The following DIAPH2 variants were observed in gnomAD, a reference collection of about 807,000 sequenced individuals.
DIAPH2 encodes protein diaphanous homolog 2.
DIAPH2 carries 35 observed loss-of-function variants against 92.7 expected under a neutral mutation model. The ratio of observed to expected loss-of-function variants is 0.38; its 90% CI spans 0.29 to 0.50. The LOEUF (loss-of-function observed/expected upper bound fraction) is 0.50, where lower values mean the gene tolerates loss of function less well. DIAPH2 is among the 20% of genes least tolerant of loss of function. The pLI is 0.94. For missense variants in DIAPH2, 701 were observed against 819.5 expected, an observed-to-expected ratio of 0.86 and a Z score of 1.77; for synonymous variants, 301 against 280.4, an observed-to-expected ratio of 1.07 and a Z score of -0.73.
At chrX:97,268,142 G>A (rs1410678995) in intron 23 of DIAPH2, among the ~76,000 whole-genome samples, 2 of 112,166 alleles carry the variant, frequency 1.8e-5, no homozygotes, top group African/African-American at 3.2e-5. Flanking sequence ...GCCAATTTGT[G>A]TTTTTCCCGT....
chrX:97,442,452 C>T (rs1293197465), intron 26 of DIAPH2, among the ~76,000 whole-genome samples: 1 of 112,631 alleles, frequency 8.9e-6, no homozygotes, highest in Non-Finnish European at 1.9e-5. Flanking sequence ...AACAGGTTGT[C>T]ATAAGTACCT....
At chrX:97,035,953 A>AG (rs1343589806) in intron 17 of DIAPH2, among the ~76,000 whole-genome samples, 1 of 111,355 alleles carries the variant, frequency 9.0e-6, no homozygotes, top group Non-Finnish European at 1.9e-5. Context: ...AAAAAAAAAA[A>AG]AGATTTCATT....
At chrX:97,247,866 G>C in intron 23 of DIAPH2, 27 bp downstream of exon 23, 2 of 1,192,377 alleles carry the variant, frequency 1.7e-6, no homozygotes, top group Non-Finnish European at 2.3e-6. Context: ...TAAGCATTTT[G>C]TCTAGTTTTT....
At chrX:97,550,553 C>T (rs773385371) in intron 26 of DIAPH2, among the ~76,000 whole-genome samples, 36 of 110,668 alleles carry the variant, frequency 3.3e-4, no homozygotes, top group African/African-American at 1.1e-3. Flanking sequence ...CTCCCACTGC[C>T]ATGCATATGA....
intron 2 of DIAPH2, among the ~76,000 whole-genome samples, chrX:96,738,241 A>C (rs1264379629): frequency 9.0e-6 from 1 of 111,642 alleles, no homozygotes; most frequent in Non-Finnish European, 1.9e-5. Context: ...CTTTTTTCAT[A>C]GTTCTAAAGT....
intron 17 of DIAPH2, among the ~76,000 whole-genome samples, chrX:97,038,878 A>C (rs2147884686): frequency 9.0e-6 from 1 of 111,466 alleles, no homozygotes; most frequent in Admixed American, 9.5e-5. Flanking sequence ...AGATTGTTTC[A>C]AATTATTTGA....
At position 96,890,156 on chromosome X, in the gene DIAPH2, T is replaced by C. The variant is rs756661141; in HGVS notation, c.587+8438T>C. Reference sequence around the variant, plus strand: ...ACCCCAGGATCCTGTGACAATATGATAAATCATTCTAGTTCTTGATCACTC... The same window carrying C: ...ACCCCAGGATCCTGTGACAATATGACAAATCATTCTAGTTCTTGATCACTC... On this transcript the variant is annotated intron_variant, in intron 5 of 26. Coordinates refer to ENST00000324765, the MANE Select transcript of DIAPH2 (RefSeq NM_006729.5). Among the ~76,000 whole-genome samples, 3 of 112,194 alleles carry C rather than the reference T, an allele frequency of 2.7e-5. No homozygotes were observed. In the East Asian group the frequency reaches 8.5e-4, roughly 32 times the overall value.
intron 23 of DIAPH2, among the ~76,000 whole-genome samples, chrX:97,323,464 G>A (rs1342855969): frequency 9.5e-6 from 1 of 105,091 alleles, no homozygotes; most frequent in Non-Finnish European, 2.0e-5. Context: ...GGTGGCGGGC[G>A]CCTGTAGTCC....
At chrX:96,898,374 C>A (rs1233016669) in intron 5 of DIAPH2, among the ~76,000 whole-genome samples, 2 of 97,657 alleles carry the variant, frequency 2.0e-5, no homozygotes, top group Non-Finnish European at 4.2e-5. Flanking sequence ...TCTCCACATC[C>A]TCTCCAGCAC....
chrX:97,407,693 A>G (rs1031269531), intron 25 of DIAPH2, among the ~76,000 whole-genome samples: 2 of 112,218 alleles, frequency 1.8e-5, no homozygotes, highest in African/African-American at 6.5e-5. Context: ...TTAAGTGCCT[A>G]TTTGCAAGTC....
intron 4 of DIAPH2, among the ~76,000 whole-genome samples, chrX:96,798,035 T>C (rs1303033395): frequency 8.9e-6 from 1 of 112,665 alleles, no homozygotes; most frequent in African/African-American, 3.2e-5. Flanking sequence ...CATTTGGCTC[T>C]CCATATCTGC....
chrX:96,937,428 A>G (rs973259439), intron 11 of DIAPH2, 77 bp downstream of exon 11: 36 of 585,799 alleles, frequency 6.1e-5, no homozygotes, highest in Non-Finnish European at 8.4e-5. Context: ...GTGGAACATT[A>G]TTAGAGTTCT....
intron 17 of DIAPH2, among the ~76,000 whole-genome samples, chrX:97,044,627 G>T (rs1384194953): frequency 9.0e-6 from 1 of 110,943 alleles, no homozygotes; most frequent in Non-Finnish European, 1.9e-5. Context: ...ATTCCTCAGT[G>T]ATTTAGCTCC....
At chrX:97,145,430 G>T (rs1230107724) in intron 22 of DIAPH2, among the ~76,000 whole-genome samples, 1 of 109,601 alleles carries the variant, frequency 9.1e-6, no homozygotes, top group Non-Finnish European at 1.9e-5. Flanking sequence ...TCCAGTCTCA[G>T]TAAGTATGTA....
chrX:97,555,361 A>G, intron 26 of DIAPH2: 1 of 572,124 alleles, frequency 1.7e-6, no homozygotes, highest in Non-Finnish European at 2.1e-6. Context: ...GAAAGATGTT[A>G]TATGGCAGCC....
At chrX:97,258,250 A>G (rs2068254473) in intron 23 of DIAPH2, among the ~76,000 whole-genome samples, 1 of 112,069 alleles carries the variant, frequency 8.9e-6, no homozygotes, top group Non-Finnish European at 1.9e-5. Flanking sequence ...ATGAATGATG[A>G]CATTCTATAT....
intron 26 of DIAPH2, among the ~76,000 whole-genome samples, chrX:97,508,342 G>T (rs949593576): frequency 8.9e-6 from 1 of 111,876 alleles, no homozygotes; most frequent in African/African-American, 3.2e-5. Context: ...TAGATTTAGG[G>T]TTGATAAACT....
chrX:97,503,146 G>A (rs772915532), intron 26 of DIAPH2, among the ~76,000 whole-genome samples: 20 of 112,041 alleles, frequency 1.8e-4, no homozygotes, highest in Non-Finnish European at 3.0e-4. Context: ...AGTAGAAGTA[G>A]CATTTATGAA....
intron 17 of DIAPH2, among the ~76,000 whole-genome samples, chrX:96,986,927 T>A (rs1262664993): frequency 8.9e-6 from 1 of 111,880 alleles, no homozygotes; most frequent in Non-Finnish European, 1.9e-5. Context: ...TACATTTTTC[T>A]AGAGGTATTT....
Sources: allele counts gnomAD v4.1 joint callset (sites outside exome capture counted in the v4.1 genomes callset), GRCh38; gene constraint gnomAD v4.1.1; transcripts MANE v1.5; gene names NCBI Gene and HGNC (gene_info 2026-07-23, HGNC 2026-07-21).